Variants in CRB1 observed in about 807,000 individuals in gnomAD.
The protein encoded by CRB1 is protein crumbs homolog 1.
CRB1 carries 83 observed loss-of-function variants against 120.0 expected under a neutral mutation model. The observed-to-expected ratio is 0.69, with a 90% CI of 0.58 to 0.83. The LOEUF (loss-of-function observed/expected upper bound fraction) is 0.83, where lower values mean the gene tolerates loss of function less well. Among genes scored for constraint, CRB1 ranks in the 40% least tolerant of loss-of-function variants. CRB1 has a pLI of 0.00. For synonymous variants in CRB1, 625 were observed against 612.5 expected (o/e 1.02, Z -0.30); for missense variants, 1,699 against 1,687.6 (o/e 1.01, Z -0.12).
intron 1 of CRB1, among the ~76,000 whole-genome samples, chr1:197,272,894 A>AATTTATAAAATG (rs1654984840): frequency 6.6e-6 from 1 of 152,216 alleles, no homozygotes; most frequent in Admixed American, 6.5e-5. Flanking sequence ...ATTGCATGCA[A>AATTTATAAAATG]ATTTATAAAA....
At chr1:197,395,146 G>A (rs1662709306) in intron 5 of CRB1, among the ~76,000 whole-genome samples, 1 of 152,070 alleles carries the variant, frequency 6.6e-6, no homozygotes, top group African/African-American at 2.4e-5. Flanking sequence ...GCTGCTAATG[G>A]ATGTCTCCAG....
rs951125146 is a variant in CRB1 at position 197,341,941 on chromosome 1, A to G, written c.653-2340A>G. Among the ~76,000 whole-genome samples, 12 of 152,306 alleles carry G rather than the reference A, an allele frequency of 7.9e-5. No homozygotes were observed. The East Asian group carries it at 1.9e-3, about 25-fold the overall frequency. On this transcript the variant is annotated intron_variant, in intron 2 of 11. Coordinates refer to ENST00000367400, the MANE Select transcript of CRB1 (RefSeq NM_201253.3). ...TGGCTTCCTTGGGTGGACAAGGGGGAAAAAGCATTCCAGACAGAGATCAGT... is the reference window on the plus strand; with the variant it reads ...TGGCTTCCTTGGGTGGACAAGGGGGGAAAAGCATTCCAGACAGAGATCAGT...
the CRB1 span, among the ~76,000 whole-genome samples, chr1:197,251,024 T>C: frequency 6.6e-6 from 1 of 152,050 alleles, no homozygotes; most frequent in Non-Finnish European, 1.5e-5. Flanking sequence ...GTTATAGCCA[T>C]TTTTTATTGA....
At chr1:197,309,521 G>A (rs772637076) in intron 1 of CRB1, among the ~76,000 whole-genome samples, 48 of 152,222 alleles carry the variant, frequency 3.2e-4, no homozygotes, top group African/African-American at 1.1e-3. Context: ...TTGGGAGGCC[G>A]AGGCGGGCGG....
At chr1:197,235,998 T>C in the CRB1 span, among the ~76,000 whole-genome samples, 1 of 152,192 alleles carries the variant, frequency 6.6e-6, no homozygotes, top group Admixed American at 6.5e-5. Flanking sequence ...GCCTGCTACA[T>C]GTTATCCTTT....
At chr1:197,310,538 A>G (rs1437274125) in intron 1 of CRB1, among the ~76,000 whole-genome samples, 11 of 152,172 alleles carry the variant, frequency 7.2e-5, no homozygotes, top group Non-Finnish European at 1.5e-5. Context: ...AAGGGAAATG[A>G]ATTTATTAAT....
At chr1:197,395,723 C>T (rs1181508649) in intron 5 of CRB1, among the ~76,000 whole-genome samples, 1 of 152,008 alleles carries the variant, frequency 6.6e-6, no homozygotes, top group Non-Finnish European at 1.5e-5. Flanking sequence ...TGTAATTCAC[C>T]ATGATAAAAC....
At chr1:197,297,142 G>A (rs1316730338) in intron 1 of CRB1, among the ~76,000 whole-genome samples, 1 of 151,626 alleles carries the variant, frequency 6.6e-6, no homozygotes, top group Non-Finnish European at 1.5e-5. Flanking sequence ...ACTGAATCTT[G>A]TGGCATGGGT....
At chr1:197,448,425 T>A (rs1453112191) in intron 11 of CRB1, among the ~76,000 whole-genome samples, 1 of 152,194 alleles carries the variant, frequency 6.6e-6, no homozygotes, top group Non-Finnish European at 1.5e-5. Flanking sequence ...TCCCACAACA[T>A]CTGGATAGTG....
chr1:197,354,380 C>T (rs1331489958), intron 4 of CRB1, among the ~76,000 whole-genome samples: 2 of 152,144 alleles, frequency 1.3e-5, no homozygotes, highest in South Asian at 2.1e-4. Flanking sequence ...ATTGACTCTT[C>T]AAGAATGAAG....
Position 197,287,725 on chromosome 1 carries a change from G to A in CRB1, c.70+19243G>A, listed in dbSNP as rs150338085. On this transcript the variant is annotated intron_variant, in intron 1 of 11. Transcript: ENST00000367400. ...CATGAAGGAAAAAGAAATACAACTA[G>A]CCAAATGATCCACCTGGAATTATTT... Among the ~76,000 whole-genome samples, 22 of 151,932 alleles carry A rather than the reference G, an allele frequency of 1.4e-4. No individual in the cohort carries two copies. The East Asian group carries it at 3.5e-3, about 24-fold the overall frequency.
intron 4 of CRB1, among the ~76,000 whole-genome samples, chr1:197,355,672 C>T (rs1660433967): frequency 2.0e-5 from 3 of 152,024 alleles, no homozygotes; most frequent in Non-Finnish European, 4.4e-5. Flanking sequence ...GGCAGCGGCG[C>T]CCACCGGCCG....
At chr1:197,315,230 T>C (rs529727412) in intron 1 of CRB1, among the ~76,000 whole-genome samples, 1 of 152,314 alleles carries the variant, frequency 6.6e-6, no homozygotes, top group South Asian at 2.1e-4. Context: ...GGGCGAGTCT[T>C]GTACTAGCTA....
At chr1:197,413,996 C>T (rs1558119595) in intron 5 of CRB1, 1 of 456,254 alleles carries the variant, frequency 2.2e-6, no homozygotes, top group South Asian at 1.6e-5. Flanking sequence ...TGGCAATGCT[C>T]ATAGGTAACT....
the CRB1 span, among the ~76,000 whole-genome samples, chr1:197,233,158 A>T: frequency 1.3e-5 from 2 of 152,142 alleles, no homozygotes; most frequent in African/African-American, 4.8e-5. Flanking sequence ...ACAATATTCC[A>T]TGTCAAGAAT....
At chr1:197,394,664 A>G (rs1002822635) in intron 5 of CRB1, among the ~76,000 whole-genome samples, 1 of 151,822 alleles carries the variant, frequency 6.6e-6, no homozygotes, top group African/African-American at 2.4e-5. Context: ...ATTTTTATAG[A>G]TTTATTATGT....
the CRB1 span, among the ~76,000 whole-genome samples, chr1:197,220,682 G>A: frequency 6.6e-6 from 1 of 152,158 alleles, no homozygotes; most frequent in African/African-American, 2.4e-5. Flanking sequence ...TTGTGTTCTT[G>A]CCCAAATCTC....
At chr1:197,317,136 G>C (rs1267195864) in intron 1 of CRB1, among the ~76,000 whole-genome samples, 1 of 152,198 alleles carries the variant, frequency 6.6e-6, no homozygotes, top group Non-Finnish European at 1.5e-5. Flanking sequence ...AGCAATGACA[G>C]GTGGGGCACG....
chr1:197,469,098 T>C (rs181450143), intron 11 of CRB1, among the ~76,000 whole-genome samples: 28 of 152,272 alleles, frequency 1.8e-4, no homozygotes, highest in African/African-American at 6.5e-4. Flanking sequence ...CGCACGCCTG[T>C]AATCCTAGCA....
Sources: gnomAD v4.1 joint callset for allele counts (sites outside exome capture counted in the v4.1 genomes callset) on GRCh38, gnomAD v4.1.1 for gene constraint, MANE v1.5 for transcripts, NCBI Gene and HGNC (gene_info 2026-07-23, HGNC 2026-07-21) for gene names.